Variants in PHKA1 observed in about 807,000 individuals in gnomAD.
PHKA1 encodes phosphorylase kinase regulatory subunit alpha 1, also known as phosphorylase b kinase regulatory subunit alpha, skeletal muscle isoform.
PHKA1 carries 60 observed loss-of-function variants against 110.2 expected under a neutral mutation model. The ratio of observed to expected loss-of-function variants is 0.54; its 90% CI spans 0.44 to 0.68. The LOEUF (loss-of-function observed/expected upper bound fraction) is 0.68. PHKA1 is among the 30% of genes least tolerant of loss of function. PHKA1 has a pLI of 0.00. For missense variants in PHKA1, 801 were observed against 942.5 expected (o/e 0.85, Z 1.97); for synonymous variants, 316 against 333.6 (o/e 0.95, Z 0.58).
chrX:72,672,154 C>T (rs782812322), intron 6 of PHKA1, among the ~76,000 whole-genome samples: 1 of 111,793 alleles, frequency 8.9e-6, no homozygotes, highest in South Asian at 3.8e-4. Context: ...GGAGTAGTGG[C>T]ATGAGCTGAG....
Position 72,714,029 on chromosome X carries a change from T to G in PHKA1, c.-149A>C, listed in dbSNP as rs1434175222. The G allele has an allele frequency of 3.8e-6, 2 of 522,148 alleles. No homozygotes were observed. Among genetic ancestry groups the G allele is most frequent in the African/African-American group, 4.5e-5 (2 of 44,307 alleles). 43.0% of individuals were successfully genotyped at this position (522,148 alleles called of 1,213,427 possible). Reference sequence around the variant, plus strand: ...GCAGAGCCCTCCCACCGCTCAGGCCTGGCGCCGCGGATTCCGCGTACCTCT... The same window carrying G: ...GCAGAGCCCTCCCACCGCTCAGGCCGGGCGCCGCGGATTCCGCGTACCTCT... On this transcript the variant is annotated 5_prime_UTR_variant, in exon 1 of 32. Transcript: ENST00000373542.
At chrX:72,588,348 G>C (rs1479651140) in intron 29 of PHKA1, among the ~76,000 whole-genome samples, 3 of 111,942 alleles carry the variant, frequency 2.7e-5, no homozygotes, top group Non-Finnish European at 5.6e-5. Flanking sequence ...ATAACGAAAT[G>C]ACGGCAGAAA....
intron 17 of PHKA1, among the ~76,000 whole-genome samples, chrX:72,625,992 A>G (rs2053058566): frequency 9.0e-6 from 1 of 111,425 alleles, no homozygotes; most frequent in Admixed American, 9.6e-5. Context: ...CAAAACAAAG[A>G]AAACTTAAGT....
At chrX:72,618,033 G>T (rs1236790010) in intron 21 of PHKA1, among the ~76,000 whole-genome samples, 1 of 111,321 alleles carries the variant, frequency 9.0e-6, no homozygotes, top group African/African-American at 3.3e-5. Flanking sequence ...CTTTTTGGGA[G>T]CAAGCTGGGA....
At chrX:72,676,321 C>T (rs1556311808) in intron 5 of PHKA1, among the ~76,000 whole-genome samples, 171 bp from the exon 6 acceptor site, 1 of 110,980 alleles carries the variant, frequency 9.0e-6, no homozygotes, top group East Asian at 2.8e-4. Flanking sequence ...GGGGTGGCCC[C>T]TGCAGCTACT....
At chrX:72,582,261 C>A in intron 31 of PHKA1, 137 bp downstream of exon 31, 1 of 475,741 alleles carries the variant, frequency 2.1e-6, no homozygotes, top group South Asian at 3.0e-5. Flanking sequence ...GAGCTCAGAG[C>A]CGCTACAAAG....
intron 3 of PHKA1, among the ~76,000 whole-genome samples, chrX:72,698,770 T>G (rs1409978501): frequency 1.8e-5 from 2 of 112,584 alleles, no homozygotes; most frequent in African/African-American, 6.4e-5. Context: ...AAAGCTAATC[T>G]ATAAGCTAAA....
chrX:72,624,218 T>C (rs1476763538), intron 17 of PHKA1, among the ~76,000 whole-genome samples: 3 of 111,866 alleles, frequency 2.7e-5, no homozygotes, highest in African/African-American at 9.8e-5. Flanking sequence ...TGTAGTAAAT[T>C]CTTATAATTG....
At chrX:72,629,098 A>G (rs1271300180) in intron 16 of PHKA1, among the ~76,000 whole-genome samples, 1 of 111,305 alleles carries the variant, frequency 9.0e-6, no homozygotes, top group African/African-American at 3.3e-5. Flanking sequence ...AAATCTGGTT[A>G]TTCATTTACA....
At chrX:72,626,869 G>C in intron 17 of PHKA1, 102 bp downstream of exon 17, 1 of 656,657 alleles carries the variant, frequency 1.5e-6, no homozygotes, top group Non-Finnish European at 2.5e-6. Context: ...TGTAGATAAG[G>C]GGGGACTATC....
chrX:72,696,254 T>C (rs1322615314), intron 3 of PHKA1, among the ~76,000 whole-genome samples: 2 of 112,061 alleles, frequency 1.8e-5, no homozygotes, highest in African/African-American at 6.5e-5. Flanking sequence ...AAAGATACAT[T>C]TGTTCCTGAA....
intron 13 of PHKA1, among the ~76,000 whole-genome samples, chrX:72,648,549 A>C (rs1399329128): frequency 1.8e-5 from 2 of 111,221 alleles, no homozygotes; most frequent in African/African-American, 6.6e-5. Flanking sequence ...CAGTGCCACC[A>C]CTCTGCTCAT....
intron 3 of PHKA1, among the ~76,000 whole-genome samples, chrX:72,704,235 A>G (rs2054246475): frequency 8.9e-6 from 1 of 112,132 alleles, no homozygotes; most frequent in African/African-American, 3.2e-5. Flanking sequence ...AAGGTTTCTT[A>G]TCTCCAATCT....
intron 23 of PHKA1, among the ~76,000 whole-genome samples, chrX:72,607,353 T>C (rs1556253145): frequency 8.9e-6 from 1 of 111,894 alleles, no homozygotes. Flanking sequence ...TATATGAGGG[T>C]TCCCTTTTCT....
chrX:72,578,854 A>T lies in PHKA1; in HGVS notation c.*2148T>A, dbSNP rs1446966517. The T allele has an allele frequency of 8.9e-6, 1 of 111,860 alleles. No homozygotes were observed. The highest frequency in any genetic ancestry group is 1.9e-5 in the Non-Finnish European group (1 of 53,212). 9.2% of individuals were successfully genotyped at this position (111,860 alleles called of 1,213,427 possible). ...TGGCACCAGACATGATTTAATTGGA[A>T]ATTCTTATTATTTATTCTATTTTCA... is the stretch of plus-strand genomic sequence containing the variant. On this transcript the variant is annotated 3_prime_UTR_variant, in exon 32 of 32. Coordinates refer to ENST00000373542, the MANE Select transcript of PHKA1 (RefSeq NM_002637.4).
At chrX:72,582,301 G>T in intron 31 of PHKA1, 97 bp downstream of exon 31, 1 of 597,032 alleles carries the variant, frequency 1.7e-6, no homozygotes. Context: ...TGAGGAAGAG[G>T]GCACAAGAAA....
intron 4 of PHKA1, among the ~76,000 whole-genome samples, chrX:72,689,701 GT>G (rs1435343896): frequency 8.9e-6 from 1 of 111,908 alleles, no homozygotes; most frequent in Non-Finnish European, 1.9e-5. Context: ...GTGAACATAT[GT>G]TTTCATTTCT....
intron 25 of PHKA1, among the ~76,000 whole-genome samples, chrX:72,603,761 C>A (rs139438354): frequency 9.0e-6 from 1 of 110,930 alleles, no homozygotes; most frequent in Non-Finnish European, 1.9e-5. Context: ...GCAGGTATGA[C>A]GACATGATAC....
chrX:72,617,302 G>A (rs1185843152), intron 21 of PHKA1, among the ~76,000 whole-genome samples: 1 of 110,794 alleles, frequency 9.0e-6, no homozygotes, highest in Non-Finnish European at 1.9e-5. Flanking sequence ...TAAAATGAGA[G>A]ATGAAAAGGA....
Sources: allele counts gnomAD v4.1 joint callset (sites outside exome capture counted in the v4.1 genomes callset), GRCh38; gene constraint gnomAD v4.1.1; transcripts MANE v1.5; gene names NCBI Gene and HGNC (gene_info 2026-07-23, HGNC 2026-07-21).